Variants in CTNND2 observed in about 807,000 individuals in gnomAD.
The protein encoded by CTNND2 is catenin delta-2.
A neutral mutation model predicts 144.4 loss-of-function variants in CTNND2; 22 were observed. The ratio of observed to expected loss-of-function variants is 0.15; its 90% CI spans 0.11 to 0.22. The LOEUF (loss-of-function observed/expected upper bound fraction) is 0.22. Among genes scored for constraint, CTNND2 ranks in the 10% least tolerant of loss-of-function variants. CTNND2 has a pLI of 1.00. For synonymous variants in CTNND2, 751 were observed against 695.6 expected (o/e 1.08, Z -1.25); for missense variants, 1,353 against 1,618.8 (o/e 0.84, Z 2.82).
At chr5:11,089,216 T>G (rs1393384305) in intron 15 of CTNND2, among the ~76,000 whole-genome samples, 1 of 152,198 alleles carries the variant, frequency 6.6e-6, no homozygotes, top group Non-Finnish European at 1.5e-5. Flanking sequence ...CTTGGGTATT[T>G]GCCTATGTGG....
At chr5:11,260,145 AAGG>A (rs1744711356) in intron 9 of CTNND2, among the ~76,000 whole-genome samples, 1 of 152,170 alleles carries the variant, frequency 6.6e-6, no homozygotes, top group Non-Finnish European at 1.5e-5. Flanking sequence ...TGGAGATAGG[AAGG>A]AGGAGTAGAA....
intron 3 of CTNND2, among the ~76,000 whole-genome samples, chr5:11,481,779 G>C (rs1386374864): frequency 6.6e-6 from 1 of 151,968 alleles, no homozygotes; most frequent in Non-Finnish European, 1.5e-5. Flanking sequence ...GTGTGAACTG[G>C]GTTGGGAAAA....
At chr5:11,240,597 ACACC>A (rs1299885854) in intron 9 of CTNND2, among the ~76,000 whole-genome samples, 1 of 146,064 alleles carries the variant, frequency 6.8e-6, no homozygotes, top group Non-Finnish European at 1.5e-5. Flanking sequence ...CTCAGCACAC[ACACC>A]CAACACACAC....
intron 2 of CTNND2, among the ~76,000 whole-genome samples, chr5:11,610,990 C>T (rs1213566933): frequency 6.6e-6 from 1 of 151,966 alleles, no homozygotes; most frequent in Non-Finnish European, 1.5e-5. Flanking sequence ...TGGCTGTGTC[C>T]CCACCCAAAT....
At chr5:11,592,439 T>C (rs1420903326) in intron 2 of CTNND2, among the ~76,000 whole-genome samples, 5 of 152,162 alleles carry the variant, frequency 3.3e-5, no homozygotes, top group Non-Finnish European at 2.9e-5. Context: ...TATTTCCTAG[T>C]ATTATTGTAA....
intron 2 of CTNND2, among the ~76,000 whole-genome samples, chr5:11,634,115 T>C (rs1781559972): frequency 6.6e-6 from 1 of 152,222 alleles, no homozygotes; most frequent in African/African-American, 2.4e-5. Flanking sequence ...CCCCAACTCT[T>C]GAGCATTTGG....
At chr5:11,715,670 C>T (rs1414465721) in intron 2 of CTNND2, among the ~76,000 whole-genome samples, 2 of 152,144 alleles carry the variant, frequency 1.3e-5, no homozygotes, top group South Asian at 4.1e-4. Flanking sequence ...TTCTTAAAGG[C>T]ATCTTATAAA....
rs1009580586 is a variant in CTNND2 at position 11,230,954 on chromosome 5, G to T, written c.1761+5737C>A. On this transcript the variant is annotated intron_variant, in intron 10 of 21. Transcript: ENST00000304623. ...CACCTCACTGCTGGGAGGGTGATAT[G>T]GTTTGGTTCTGTGTCCCCACCCAAA... Among the ~76,000 whole-genome samples, 14 of 144,316 alleles carry T rather than the reference G, an allele frequency of 9.7e-5. 1 individual carries two copies. The highest frequency in any genetic ancestry group is 4.8e-4 in the Admixed American group (7 of 14,620). The allele number at this position is 144,316 out of a possible 152,430, so 94.7% of individuals were successfully genotyped here. A position where few individuals can be genotyped will look rare whatever the true frequency, so the allele number is the denominator to read the frequency against.
chr5:11,204,520 C>T (rs992163391), intron 10 of CTNND2, among the ~76,000 whole-genome samples: 2 of 152,102 alleles, frequency 1.3e-5, no homozygotes, highest in African/African-American at 2.4e-5. Flanking sequence ...TTAAATTATA[C>T]ACAAGAGATA....
At chr5:11,105,610 G>C (rs2149677130) in intron 14 of CTNND2, among the ~76,000 whole-genome samples, 1 of 152,290 alleles carries the variant, frequency 6.6e-6, no homozygotes, top group Middle Eastern at 3.4e-3. Context: ...AACTAAACGA[G>C]ACACCTGAAA....
intron 3 of CTNND2, among the ~76,000 whole-genome samples, chr5:11,482,130 C>T (rs1325103026): frequency 1.3e-5 from 2 of 152,062 alleles, no homozygotes; most frequent in Non-Finnish European, 2.9e-5. Context: ...TTGATTATGC[C>T]GTGGACACTA....
chr5:11,318,488 C>T (rs1157916447), intron 9 of CTNND2, among the ~76,000 whole-genome samples: 1 of 152,182 alleles, frequency 6.6e-6, no homozygotes, highest in Non-Finnish European at 1.5e-5. Flanking sequence ...ATGGGCACCC[C>T]AATCCTAACC....
chr5:11,266,119 A>T (rs955966835), intron 9 of CTNND2, among the ~76,000 whole-genome samples: 3 of 152,178 alleles, frequency 2.0e-5, no homozygotes, highest in African/African-American at 7.2e-5. Context: ...TAGTTGACAA[A>T]ATAAAATAAC....
chr5:11,886,077 A>G (rs945820999), intron 1 of CTNND2, among the ~76,000 whole-genome samples: 15 of 152,172 alleles, frequency 9.9e-5, no homozygotes, highest in African/African-American at 3.6e-4. Flanking sequence ...TCAAAAAAGT[A>G]GAAAGATTTC....
intron 1 of CTNND2, among the ~76,000 whole-genome samples, chr5:11,757,112 A>T (rs755856076): frequency 6.6e-5 from 10 of 151,160 alleles, no homozygotes; most frequent in Non-Finnish European, 1.3e-4. Flanking sequence ...TTCCCCTATC[A>T]ATTTACATAT....
At chr5:11,847,128 T>TTTTATATATA (rs1279618168) in intron 1 of CTNND2, among the ~76,000 whole-genome samples, 3 of 72,410 alleles carry the variant, frequency 4.1e-5, no homozygotes, top group Admixed American at 3.2e-4. Context: ...GTCAAAGATT[T>TTTTATATATA]TATATATATA....
chr5:11,897,721 G>A (rs1247809231), intron 1 of CTNND2, among the ~76,000 whole-genome samples: 1 of 152,110 alleles, frequency 6.6e-6, no homozygotes, highest in Non-Finnish European at 1.5e-5. Context: ...GGCATTAGAC[G>A]CTACCTTGAT....
chr5:11,205,801 G>A lies in CTNND2; in HGVS notation c.1762-6140C>T, dbSNP rs114789563. ...ATGAAATGGCCTGCGTTCTCCATTCGATAGGTGAACCAAGATGAGCTATGT... is the reference window on the plus strand; with the variant it reads ...ATGAAATGGCCTGCGTTCTCCATTCAATAGGTGAACCAAGATGAGCTATGT... On this transcript the variant is annotated intron_variant, in intron 10 of 21. Transcript: ENST00000304623. 2.2e-3 allele frequency among the ~76,000 whole-genome samples: 337 copies of A among 152,238 alleles called. 4 individuals carry two copies. Among genetic ancestry groups the A allele is most frequent in the African/African-American group, 6.9e-3 (285 of 41,538 alleles).
intron 1 of CTNND2, among the ~76,000 whole-genome samples, chr5:11,885,737 C>T (rs1215728129): frequency 6.6e-6 from 1 of 151,928 alleles, no homozygotes; most frequent in Non-Finnish European, 1.5e-5. Flanking sequence ...TTTTTTTCAT[C>T]AGCACATGGA....
Sources: allele counts gnomAD v4.1 joint callset (sites outside exome capture counted in the v4.1 genomes callset), GRCh38; gene constraint gnomAD v4.1.1; transcripts MANE v1.5; gene names NCBI Gene and HGNC (gene_info 2026-07-23, HGNC 2026-07-21).